FLT1: variants seen among roughly 807,000 people sequenced by gnomAD.
FLT1 encodes fms related receptor tyrosine kinase 1.
In FLT1, 49 loss-of-function variants were observed where a neutral mutation model predicts 156.3. That is an observed-to-expected ratio of 0.31 (90% CI 0.25 to 0.40). The LOEUF is 0.40. FLT1 is among the 10% of genes least tolerant of loss of function. The pLI, the probability that FLT1 is intolerant of heterozygous loss-of-function variation, is 1.00. For missense variants in FLT1, 1,322 were observed against 1,637.2 expected (o/e 0.81, Z 3.32); for synonymous variants, 594 against 583.8 (o/e 1.02, Z -0.25).
chr13:28,353,370 C>A lies in FLT1; in HGVS notation c.2248+4184G>T, dbSNP rs996435740. 2.0e-5 allele frequency among the ~76,000 whole-genome samples: 3 copies of A among 151,868 alleles called. No individual in the cohort carries two copies. In the East Asian group the frequency reaches 5.8e-4, roughly 30 times the overall value. ...GGTGGATTACCTGAGGTCAGGAGTT[C>A]GAGACCAGCCTGGCCAACGTGGTGA... On this transcript the variant is annotated intron_variant, in intron 15 of 29. Transcript: ENST00000282397.
intron 3 of FLT1, among the ~76,000 whole-genome samples, chr13:28,448,753 T>C (rs1348048125): frequency 2.0e-5 from 3 of 152,216 alleles, no homozygotes; most frequent in East Asian, 1.9e-4. Flanking sequence ...ATGTAAATTA[T>C]ATCTCAATAA....
At chr13:28,415,145 C>G (rs1276842308) in intron 10 of FLT1, among the ~76,000 whole-genome samples, 1 of 152,182 alleles carries the variant, frequency 6.6e-6, no homozygotes, top group Non-Finnish European at 1.5e-5. Context: ...CCTCTTCTTG[C>G]CTATCTTCAA....
intron 10 of FLT1, among the ~76,000 whole-genome samples, chr13:28,416,917 G>T (rs1267899911): frequency 6.6e-6 from 1 of 152,136 alleles, no homozygotes; most frequent in Non-Finnish European, 1.5e-5. Flanking sequence ...TAAGAAATTG[G>T]AATAACATGC....
intron 1 of FLT1, among the ~76,000 whole-genome samples, chr13:28,483,903 G>C (rs767790856): frequency 6.6e-6 from 1 of 152,086 alleles, no homozygotes; most frequent in Non-Finnish European, 1.5e-5. Context: ...AAGATACTTT[G>C]AGTAAATGTT....
chr13:28,424,507 A>G (rs1403599509), intron 10 of FLT1, among the ~76,000 whole-genome samples: 1 of 152,204 alleles, frequency 6.6e-6, no homozygotes, highest in Non-Finnish European at 1.5e-5. Context: ...TAATAACTTA[A>G]CATATTTACA....
intron 10 of FLT1, among the ~76,000 whole-genome samples, chr13:28,414,755 T>C (rs1876545757): frequency 6.6e-6 from 1 of 151,998 alleles, no homozygotes; most frequent in Non-Finnish European, 1.5e-5. Context: ...GATGAAAGAG[T>C]GGATCCTGCC....
chr13:28,327,080 G>A (rs974540552), intron 20 of FLT1, among the ~76,000 whole-genome samples: 11 of 152,174 alleles, frequency 7.2e-5, no homozygotes, highest in Non-Finnish European at 1.5e-4. Flanking sequence ...CCTAATAAAT[G>A]GAGACAATTA....
At chr13:28,363,346 T>G (rs1873176816) in intron 14 of FLT1, among the ~76,000 whole-genome samples, 1 of 152,162 alleles carries the variant, frequency 6.6e-6, no homozygotes, top group Admixed American at 6.5e-5. Flanking sequence ...GCAGACCCAT[T>G]TCTGTCTTTA....
chr13:28,338,708 G>A (rs1056834959), intron 17 of FLT1, among the ~76,000 whole-genome samples: 3 of 152,128 alleles, frequency 2.0e-5, no homozygotes, highest in Non-Finnish European at 4.4e-5. Context: ...CTCTTTCACC[G>A]AATGTTTGAT....
intron 24 of FLT1, 64 bp downstream of exon 24, chr13:28,319,359 A>C: frequency 9.1e-7 from 1 of 1,096,086 alleles, no homozygotes; most frequent in Non-Finnish European, 1.4e-6. Flanking sequence ...ACCAAAGGAC[A>C]TTCAGCAGAA....
At chr13:28,412,730 CTTT>C (rs752528822) in intron 10 of FLT1, among the ~76,000 whole-genome samples, 3 of 79,538 alleles carry the variant, frequency 3.8e-5, no homozygotes, top group Non-Finnish European at 7.0e-5. Flanking sequence ...CCCTCACGTT[CTTT>C]TTTTTTTTTT....
chr13:28,409,353 C>CTTTTTTTT (rs60544619), intron 10 of FLT1, among the ~76,000 whole-genome samples: 1 of 143,240 alleles, frequency 7.0e-6, no homozygotes. Flanking sequence ...TTCTTTCTTT[C>CTTTTTTTT]TTTTTTTTTT....
At chr13:28,473,721 AGAAAGAAAGAAGGAAG>A (rs1566050204) in intron 1 of FLT1, among the ~76,000 whole-genome samples, 9 of 84,382 alleles carry the variant, frequency 1.1e-4, no homozygotes, top group African/African-American at 4.7e-4. Flanking sequence ...AAAGAAAGAA[AGAAAGAAAGAAGGAAG>A]GAAGGAAGGA....
At chr13:28,361,986 A>T (rs1873130608) in intron 14 of FLT1, among the ~76,000 whole-genome samples, 1 of 152,220 alleles carries the variant, frequency 6.6e-6, no homozygotes, top group Non-Finnish European at 1.5e-5. Flanking sequence ...AGGAAAGCAT[A>T]GCATCTGCAA....
chr13:28,311,321 C>T (rs955874064), intron 27 of FLT1, among the ~76,000 whole-genome samples: 1 of 152,148 alleles, frequency 6.6e-6, no homozygotes, highest in Non-Finnish European at 1.5e-5. Flanking sequence ...ATGCCTTAAG[C>T]CTCCTTTTAA....
chr13:28,318,436 G>A (rs1871294659), intron 24 of FLT1, among the ~76,000 whole-genome samples: 1 of 152,042 alleles, frequency 6.6e-6, no homozygotes, highest in Non-Finnish European at 1.5e-5. Flanking sequence ...GGGGATTCTT[G>A]CCAGGGCTGG....
intron 1 of FLT1, among the ~76,000 whole-genome samples, chr13:28,472,419 G>A (rs1467330807): frequency 1.3e-5 from 2 of 152,210 alleles, no homozygotes; most frequent in Non-Finnish European, 1.5e-5. Flanking sequence ...GAACCAGACA[G>A]CCTTGAGGTC....
intron 17 of FLT1, among the ~76,000 whole-genome samples, chr13:28,335,835 G>A (rs1046740874): frequency 1.3e-5 from 2 of 152,160 alleles, no homozygotes; most frequent in Admixed American, 6.5e-5. Flanking sequence ...AGACCAGGAT[G>A]GGGACCCTCG....
In FLT1 at chr13:28,431,149, T is replaced by A; in HGVS notation, c.975A>T (p.Ser325=). 1 of 1,613,264 alleles carries A rather than the reference T, an allele frequency of 6.2e-7. No individual in the cohort carries two copies. Among genetic ancestry groups the A allele is most frequent in the South Asian group, 1.1e-5 (1 of 91,072 alleles). ...SGPSFKSVNT[S]VHIYDKAFIT... ...AACTATGCTTACCATATATATGCAC[T>A]GAGGTGTTAACAGATTTGAATGATG... Residue 325 remains serine (S), a synonymous_variant, in exon 7 of 30, where the codon TCA becomes TCT. Coordinates refer to ENST00000282397, the MANE Select transcript of FLT1 (RefSeq NM_002019.4).
Sources: allele counts gnomAD v4.1 joint callset (sites outside exome capture counted in the v4.1 genomes callset), GRCh38; gene constraint gnomAD v4.1.1; transcripts MANE v1.5; gene names NCBI Gene and HGNC (gene_info 2026-07-23, HGNC 2026-07-21).